The following RPS6KA2 variants were observed in gnomAD, a reference collection of about 807,000 sequenced individuals.
RPS6KA2 encodes the protein ribosomal protein S6 kinase alpha-2.
Under a neutral mutation model 91.8 loss-of-function variants are expected in RPS6KA2, and 42 were observed. That is an observed-to-expected ratio of 0.46 (90% confidence interval 0.36 to 0.59). The LOEUF (loss-of-function observed/expected upper bound fraction) is 0.59. Among genes scored for constraint, RPS6KA2 ranks in the 20% least tolerant of loss-of-function variants. RPS6KA2 has a pLI of 0.00. For missense variants in RPS6KA2, 798 were observed against 978.5 expected (o/e 0.82, Z 2.46); for synonymous variants, 414 against 393.6 (o/e 1.05, Z -0.61).
In RPS6KA2 at chr6:166,832,184, T is replaced by C. The variant is rs189547103; in HGVS notation, c.123+26016A>G. On this transcript the variant is annotated intron_variant, in intron 2 of 21. Transcript: ENST00000503859. Reference sequence around the variant, plus strand: ...TTTGGCCTTGAAAGTGACCTGGGAGTATTTTTAATGAAGTAAACAGGAAGA... The same window carrying C: ...TTTGGCCTTGAAAGTGACCTGGGAGCATTTTTAATGAAGTAAACAGGAAGA... Among the ~76,000 whole-genome samples, 416 of 152,084 alleles carry C rather than the reference T, an allele frequency of 2.7e-3. 18 individuals carry two copies. The highest frequency in any genetic ancestry group is 0.026 in the Admixed American group (393 of 15,256).
intron 2 of RPS6KA2, among the ~76,000 whole-genome samples, chr6:166,728,741 G>A (rs996571579): frequency 6.6e-5 from 10 of 152,126 alleles, no homozygotes; most frequent in African/African-American, 2.4e-4. Context: ...GTATGGTCTC[G>A]ACGCATACAG....
At position 166,451,244 on chromosome 6, in the gene RPS6KA2, CA is replaced by C. The variant is rs1779905288; in HGVS notation, c.1076-12del. 1 of 1,613,260 alleles carries C rather than the reference CA, an allele frequency of 6.2e-7. No homozygotes were observed. Among genetic ancestry groups the C allele is most frequent in the Non-Finnish European group, 8.5e-7 (1 of 1,179,704 alleles). Reference sequence around the variant, plus strand: ...GGACGCCAGGAGAGTCTGTAGGTGACAGGGGCAGAGTTCAGATGCCACGAAA... The same window carrying C: ...GGACGCCAGGAGAGTCTGTAGGTGACGGGGCAGAGTTCAGATGCCACGAAA... On this transcript the variant is annotated splice_polypyrimidine_tract_variant and intron_variant, in intron 12 of 20. Coordinates refer to ENST00000265678, the MANE Select transcript of RPS6KA2 (RefSeq NM_021135.6).
intron 2 of RPS6KA2, among the ~76,000 whole-genome samples, chr6:166,830,777 C>G (rs1389025740): frequency 6.6e-6 from 1 of 152,188 alleles, no homozygotes; most frequent in Non-Finnish European, 1.5e-5. Context: ...GTGTTACTGC[C>G]TTAGCTGTCA....
In RPS6KA2 at chr6:166,675,020, C is replaced by G. The variant is rs565448886; in HGVS notation, c.124-136236G>C. 1.4e-4 allele frequency among the ~76,000 whole-genome samples: 22 copies of G among 152,358 alleles called. No individual in the cohort carries two copies. The South Asian group carries it at 4.6e-3, about 32-fold the overall frequency. On this transcript the variant is annotated intron_variant, in intron 2 of 21. Coordinates refer to the RPS6KA2 transcript ENST00000503859. Reference sequence around the variant, plus strand: ...TCTACGAAATATTCTGCCACCAACACAGACACATAAAGAGTGAGCTGCAGT... The same window carrying G: ...TCTACGAAATATTCTGCCACCAACAGAGACACATAAAGAGTGAGCTGCAGT...
intron 3 of RPS6KA2, among the ~76,000 whole-genome samples, chr6:166,530,651 A>G (rs781515906): frequency 6.6e-6 from 1 of 152,248 alleles, no homozygotes; most frequent in Non-Finnish European, 1.5e-5. Flanking sequence ...TGATCAGAAC[A>G]GATACGGTAG....
At chr6:166,701,411 A>G in intron 2 of RPS6KA2, 1 of 1,284,550 alleles carries the variant, frequency 7.8e-7, no homozygotes, top group South Asian at 1.2e-5. Flanking sequence ...TTCTTCTTTC[A>G]TTTTTCCATA....
intron 1 of RPS6KA2, among the ~76,000 whole-genome samples, chr6:166,599,718 G>C (rs1785660836): frequency 6.6e-6 from 1 of 152,210 alleles, no homozygotes; most frequent in Non-Finnish European, 1.5e-5. Context: ...AGCTGTAGGG[G>C]GAGGGGCCAG....
rs78905238 is a variant in RPS6KA2 at position 166,418,275 on chromosome 6, T to A, written c.1888A>T (p.Lys630Ter). ...CAGTTTCCCCCAGAAAGGGCATACT[T>A]CCCACTGCCGATCCGCGCCAGAATC... is the stretch of plus-strand genomic sequence containing the variant. ...EEILARIGSG[K>*]YALSGGNWDS... is the part of the protein sequence containing the mutation. The change falls in exon 19 of 21, where the codon AAG becomes TAG. Residue 630 changes from lysine (K) to a stop codon, truncating the protein, a stop_gained. Transcript: ENST00000265678. LOFTEE classifies it high-confidence loss of function. The surrounding 1 kb of genome is among the most constrained non-coding windows in gnomAD (Gnocchi z 4.9). The A allele has an allele frequency of 1.2e-6, 2 of 1,613,916 alleles. No individual in the cohort carries two copies. The highest frequency in any genetic ancestry group is 1.7e-6 in the Non-Finnish European group (2 of 1,179,982).
intron 2 of RPS6KA2, among the ~76,000 whole-genome samples, chr6:166,723,942 C>A (rs988968940): frequency 5.9e-5 from 9 of 152,136 alleles, no homozygotes; most frequent in Admixed American, 4.6e-4. Flanking sequence ...TCAGGTGATC[C>A]ACTCTTCTCA....
chr6:166,464,596 G>A (rs1390762507), intron 11 of RPS6KA2, among the ~76,000 whole-genome samples: 5 of 152,176 alleles, frequency 3.3e-5, no homozygotes, highest in African/African-American at 1.2e-4. Flanking sequence ...GCCAGGCTGG[G>A]CTGGGAGCCG....
chr6:166,592,107 G>T (rs1785373527), intron 1 of RPS6KA2, among the ~76,000 whole-genome samples: 1 of 152,230 alleles, frequency 6.6e-6, no homozygotes, highest in African/African-American at 2.4e-5. Flanking sequence ...CAAGAGATGG[G>T]CCTGGCTTGT....
rs868264470 is a variant in RPS6KA2 at position 166,413,851 on chromosome 6, GACC to G, written c.2016_2018del (p.Val673del). 6.2e-7 allele frequency: 1 copy of G among 1,614,060 alleles called. No individual in the cohort carries two copies. The highest frequency in any genetic ancestry group is 1.3e-5 in the African/African-American group (1 of 74,936). ...GGTTTGGGGACAGGTACTCTCTGTT[GACC>G]ACCCACGGGTGTTTGAGCACTTGCA... On this transcript the variant is annotated inframe_deletion, in exon 20 of 21. Coordinates refer to ENST00000265678, the MANE Select transcript of RPS6KA2 (RefSeq NM_021135.6).
intron 15 of RPS6KA2, among the ~76,000 whole-genome samples, chr6:166,431,816 A>G (rs1779141039): frequency 6.6e-6 from 1 of 152,034 alleles, no homozygotes; most frequent in Non-Finnish European, 1.5e-5. Flanking sequence ...GGGTTTCACC[A>G]TGTTGACCAG....
At chr6:166,714,661 A>C (rs954898347) in intron 2 of RPS6KA2, among the ~76,000 whole-genome samples, 6 of 152,202 alleles carry the variant, frequency 3.9e-5, no homozygotes, top group African/African-American at 1.4e-4. Context: ...GGAGCACCCG[A>C]ACCGCCTGAA....
At chr6:166,760,294 G>C (rs1778132109) in intron 2 of RPS6KA2, among the ~76,000 whole-genome samples, 1 of 152,210 alleles carries the variant, frequency 6.6e-6, no homozygotes, top group South Asian at 2.1e-4. Context: ...GAGTAAAAGT[G>C]AAAGGCTTCT....
rs1371114928 is a variant in RPS6KA2 at position 166,732,123 on chromosome 6, T to C, written c.123+126077A>G. Among the ~76,000 whole-genome samples, 1 of 150,580 alleles carries C rather than the reference T, an allele frequency of 6.6e-6. No individual in the cohort carries two copies. Among genetic ancestry groups the C allele is most frequent in the African/African-American group, 2.5e-5 (1 of 40,742 alleles). ...CCTTAATTCCTTTTTCTTTTCCTTTTTGTTTTACCAATAAATAAATAAATA... is the reference window on the plus strand; with the variant it reads ...CCTTAATTCCTTTTTCTTTTCCTTTCTGTTTTACCAATAAATAAATAAATA... On this transcript the variant is annotated intron_variant, in intron 2 of 21. Coordinates refer to the RPS6KA2 transcript ENST00000503859. This position sits in a 1 kb window ranked among gnomAD's most constrained non-coding sequence, Gnocchi z 4.0.
intron 1 of RPS6KA2, among the ~76,000 whole-genome samples, chr6:166,594,655 A>C (rs562660853): frequency 2.0e-5 from 3 of 152,172 alleles, no homozygotes; most frequent in Non-Finnish European, 4.4e-5. Flanking sequence ...GTAGAGACGG[A>C]GCTTCACTGT....
intron 2 of RPS6KA2, among the ~76,000 whole-genome samples, chr6:166,660,934 A>T (rs913672868): frequency 6.6e-6 from 1 of 152,154 alleles, no homozygotes; most frequent in African/African-American, 2.4e-5. Flanking sequence ...TGCAAATTGG[A>T]GTACTGAGTT....
chr6:166,425,089 T>C (rs57269159), intron 16 of RPS6KA2, among the ~76,000 whole-genome samples: 1,646 of 152,302 alleles, frequency 0.011, 28 homozygotes, highest in African/African-American at 0.036. Flanking sequence ...CTCCTCTAGA[T>C]GCTTACAGCC....
Sources: gnomAD v4.1 joint callset for allele counts (sites outside exome capture counted in the v4.1 genomes callset) on GRCh38, gnomAD v4.1.1 for gene constraint, Gnocchi (gnomAD v3.1) non-coding constraint, MANE v1.5 for transcripts, NCBI Gene and HGNC (gene_info 2026-07-23, HGNC 2026-07-21) for gene names.